The following DTNB variants were observed in gnomAD, a reference collection of about 807,000 sequenced individuals.
DTNB encodes DTN-B.
In DTNB, 63 loss-of-function variants were observed where a neutral mutation model predicts 90.7. That is an observed-to-expected ratio of 0.69 (90% CI 0.57 to 0.86). DTNB has a LOEUF of 0.86. Among genes scored for constraint, DTNB ranks in the 40% least tolerant of loss-of-function variants. The probability of loss-of-function intolerance (pLI) is 0.00; values close to 1 mark genes in which losing one functional copy is unlikely to be tolerated. For synonymous variants in DTNB, 277 were observed against 286.7 expected (o/e 0.97, Z 0.34); for missense variants, 744 against 807.1 (o/e 0.92, Z 0.95).
Position 25,394,370 on chromosome 2 carries a change from CAACA to C in DTNB, c.1576-6013_1576-6010del, listed in dbSNP as rs750144559. Reference sequence around the variant, plus strand: ...ATGACCGAGAACCCAAAAGCAAATGCAACAAACAAAGATAAATAGATGGGACTTA... The same window carrying C: ...ATGACCGAGAACCCAAAAGCAAATGCAACAAAGATAAATAGATGGGACTTA... On this transcript the variant is annotated intron_variant, in intron 16 of 20. Transcript: ENST00000406818. Among the ~76,000 whole-genome samples the C allele has an allele frequency of 2.1e-4, 32 of 151,840 alleles. No homozygotes were observed. The East Asian group carries it at 2.9e-3, about 14-fold the overall frequency.
At chr2:25,502,194 T>TAAC (rs755296481) in intron 9 of DTNB, among the ~76,000 whole-genome samples, 42 of 150,818 alleles carry the variant, frequency 2.8e-4, no homozygotes, top group Non-Finnish European at 4.1e-4. Context: ...CAAAACAAAA[T>TAAC]AACAACAACA....
intron 1 of DTNB, among the ~76,000 whole-genome samples, chr2:25,657,266 T>A (rs2082240762): frequency 6.7e-6 from 1 of 149,178 alleles, no homozygotes; most frequent in Admixed American, 6.8e-5. Context: ...ATGAATGGGT[T>A]TGGAAAGCAC....
chr2:25,665,245 A>G (rs1188144982), intron 1 of DTNB, among the ~76,000 whole-genome samples: 4 of 152,190 alleles, frequency 2.6e-5, no homozygotes, highest in Admixed American at 2.6e-4. Flanking sequence ...GCTACGTCAA[A>G]GCATCCAAGT....
intron 16 of DTNB, among the ~76,000 whole-genome samples, chr2:25,408,470 T>G (rs1186761776): frequency 8.0e-6 from 1 of 124,746 alleles, no homozygotes; most frequent in Admixed American, 1.1e-4. Flanking sequence ...ACCCAGGAGG[T>G]GGAGGTTGCA....
intron 9 of DTNB, among the ~76,000 whole-genome samples, chr2:25,504,355 G>A (rs1017025135): frequency 1.4e-5 from 2 of 147,730 alleles, no homozygotes; most frequent in Admixed American, 6.8e-5. Flanking sequence ...AAGGAGGAAG[G>A]AAGGAGGGAG....
At chr2:25,413,484 C>G (rs1236660039) in intron 16 of DTNB, among the ~76,000 whole-genome samples, 1 of 142,422 alleles carries the variant, frequency 7.0e-6, no homozygotes, top group African/African-American at 2.6e-5. Flanking sequence ...TCTCACTGTT[C>G]AATTCCCACC....
chr2:25,587,164 C>T (rs1394318078), intron 6 of DTNB, among the ~76,000 whole-genome samples: 2 of 152,166 alleles, frequency 1.3e-5, no homozygotes, highest in Non-Finnish European at 2.9e-5. Context: ...GCCACAACGT[C>T]ATGCTAAGCA....
intron 9 of DTNB, among the ~76,000 whole-genome samples, chr2:25,510,968 C>A (rs922997884): frequency 6.6e-6 from 1 of 152,118 alleles, no homozygotes; most frequent in Non-Finnish European, 1.5e-5. Context: ...GAAAGTGGGC[C>A]TGTGGTTAGG....
chr2:25,549,326 C>T (rs2083111765), intron 8 of DTNB, among the ~76,000 whole-genome samples: 1 of 151,724 alleles, frequency 6.6e-6, no homozygotes, highest in Non-Finnish European at 1.5e-5. Context: ...CTCCTACTTT[C>T]CTGTCTTCTC....
At chr2:25,445,881 C>T (rs1261559789) in intron 12 of DTNB, among the ~76,000 whole-genome samples, 1 of 150,574 alleles carries the variant, frequency 6.6e-6, no homozygotes, top group Non-Finnish European at 1.5e-5. Flanking sequence ...GTATCCCTGT[C>T]CCAGCTTGGC....
chr2:25,508,634 A>C (rs2073137858), intron 9 of DTNB, among the ~76,000 whole-genome samples: 1 of 149,430 alleles, frequency 6.7e-6, no homozygotes, highest in Admixed American at 6.7e-5. Context: ...TCCCGGGTTC[A>C]AGCGATACTC....
chr2:25,435,328 G>A (rs960240976), intron 12 of DTNB, among the ~76,000 whole-genome samples: 1 of 152,122 alleles, frequency 6.6e-6, no homozygotes, highest in South Asian at 2.1e-4. Flanking sequence ...GCCGAATTCA[G>A]TAGTTTTAAT....
chr2:25,440,055 A>G (rs1273748637), intron 12 of DTNB, among the ~76,000 whole-genome samples: 1 of 152,230 alleles, frequency 6.6e-6, no homozygotes, highest in East Asian at 1.9e-4. Context: ...TCCCAGGTCC[A>G]GTGAGCAACT....
At chr2:25,456,174 G>A (rs1363736524) in intron 10 of DTNB, among the ~76,000 whole-genome samples, 3 of 152,136 alleles carry the variant, frequency 2.0e-5, no homozygotes, top group Non-Finnish European at 4.4e-5. Context: ...ATAAAATAGA[G>A]TAATCTAATG....
intron 12 of DTNB, among the ~76,000 whole-genome samples, chr2:25,449,431 A>T (rs2058935424): frequency 6.6e-6 from 1 of 152,220 alleles, no homozygotes; most frequent in Non-Finnish European, 1.5e-5. Context: ...GTATGATTTT[A>T]TAGGCCCGCC....
chr2:25,632,714 A>T (rs1364753170), intron 3 of DTNB, among the ~76,000 whole-genome samples: 1 of 146,086 alleles, frequency 6.8e-6, no homozygotes, highest in African/African-American at 2.5e-5. Context: ...TGGCCCCTCA[A>T]TCTTAGACTT....
intron 8 of DTNB, among the ~76,000 whole-genome samples, chr2:25,537,201 T>A (rs1575517011): frequency 6.6e-6 from 1 of 152,210 alleles, no homozygotes; most frequent in East Asian, 1.9e-4. Flanking sequence ...TAAATCTTTT[T>A]TTTTTTGAGG....
chr2:25,544,469 C>A (rs1033371357), intron 8 of DTNB, among the ~76,000 whole-genome samples: 1 of 152,164 alleles, frequency 6.6e-6, no homozygotes, highest in Non-Finnish European at 1.5e-5. Context: ...GGATTGGTGA[C>A]TTTGAGGCCA....
At chr2:25,419,431 G>T (rs1474982755) in intron 16 of DTNB, 84 bp downstream of exon 16, 1 of 1,540,088 alleles carries the variant, frequency 6.5e-7, no homozygotes, top group East Asian at 2.4e-5. Context: ...GATGTGCGGG[G>T]AGAAGAGGAG....
Sources: allele counts gnomAD v4.1 joint callset (sites outside exome capture counted in the v4.1 genomes callset), GRCh38; gene constraint gnomAD v4.1.1; transcripts MANE v1.5; gene names NCBI Gene and HGNC (gene_info 2026-07-23, HGNC 2026-07-21).